Variants in RAB6A observed in about 807,000 individuals in gnomAD.
The protein encoded by RAB6A is ras-related protein Rab-6A.
RAB6A carries 8 observed loss-of-function variants against 32.3 expected under a neutral mutation model. The ratio of observed to expected loss-of-function variants is 0.25; its 90% CI spans 0.15 to 0.45. RAB6A has a LOEUF of 0.45. RAB6A is among the 20% of genes least tolerant of loss of function. RAB6A has a pLI of 1.00. For missense variants in RAB6A, 104 were observed against 249.4 expected, an observed-to-expected ratio of 0.42 and a Z score of 3.93; for synonymous variants, 73 against 82.1, an observed-to-expected ratio of 0.89 and a Z score of 0.60.
chr11:73,728,208 T>C (rs1946250609), intron 2 of RAB6A, among the ~76,000 whole-genome samples: 1 of 152,146 alleles, frequency 6.6e-6, no homozygotes, highest in Non-Finnish European at 1.5e-5. Context: ...CTGTGTAGGT[T>C]GTGAGGGCAG....
At chr11:73,710,089 G>C (rs1945926433) in intron 5 of RAB6A, among the ~76,000 whole-genome samples, 1 of 148,574 alleles carries the variant, frequency 6.7e-6, no homozygotes, top group Non-Finnish European at 1.5e-5. Context: ...CTCCGGAGTA[G>C]CTGGGATTAC....
At chr11:73,742,107 C>T (rs988780043) in intron 1 of RAB6A, among the ~76,000 whole-genome samples, 1 of 151,872 alleles carries the variant, frequency 6.6e-6, no homozygotes, top group African/African-American at 2.4e-5. Context: ...TATGGTGAAA[C>T]CCTGTCTCTA....
At chr11:73,718,790 A>T (rs1312080656) in intron 3 of RAB6A, 72 bp from the exon 4 acceptor site, 1 of 1,614,156 alleles carries the variant, frequency 6.2e-7, no homozygotes, top group Admixed American at 1.7e-5. Flanking sequence ...CCTACTTGTG[A>T]TATCGTAAAC....
chr11:73,708,120 T>C (rs1945879512), intron 5 of RAB6A, among the ~76,000 whole-genome samples: 1 of 152,200 alleles, frequency 6.6e-6, no homozygotes, highest in Non-Finnish European at 1.5e-5. Context: ...GCCCTAAATA[T>C]CTGTGCTTAA....
chr11:73,745,874 T>C (rs1228535129), intron 1 of RAB6A, among the ~76,000 whole-genome samples: 1 of 151,512 alleles, frequency 6.6e-6, no homozygotes, highest in Non-Finnish European at 1.5e-5. Context: ...GTGGCACGCA[T>C]CTGTAGTCCC....
chr11:73,754,887 A>G (rs1360398126), intron 1 of RAB6A, among the ~76,000 whole-genome samples: 2 of 150,240 alleles, frequency 1.3e-5, no homozygotes, highest in Non-Finnish European at 3.0e-5. Flanking sequence ...ATGCAGTCAA[A>G]AAAAAAAAGG....
rs1324724808 is a variant in RAB6A at position 73,702,879 on chromosome 11, CAG to C, written c.495+4539_495+4540del. The stretch of plus-strand genomic sequence containing the variant: ...ATTATTATTTTTTTTTTTCTTGAGA[CAG>C]AGTCTCGCTCTGTCACCCAGGCTGG... On this transcript the variant is annotated intron_variant, in intron 6 of 7. Transcript: ENST00000336083. Among the ~76,000 whole-genome samples the C allele has an allele frequency of 8.0e-5, 12 of 150,418 alleles. 1 individual carries two copies. The East Asian group carries it at 2.3e-3, about 29-fold the overall frequency.
chr11:73,694,203 C>T (rs1326481955), intron 6 of RAB6A, among the ~76,000 whole-genome samples: 1 of 152,098 alleles, frequency 6.6e-6, no homozygotes, highest in Non-Finnish European at 1.5e-5. Context: ...GCTGTAGTAA[C>T]AATTTTTAAG....
intron 6 of RAB6A, among the ~76,000 whole-genome samples, chr11:73,685,354 T>C (rs1821078016): frequency 7.0e-6 from 1 of 143,460 alleles, no homozygotes. Flanking sequence ...AGTGGCGCGA[T>C]CTCAGCTCAC....
intron 6 of RAB6A, among the ~76,000 whole-genome samples, chr11:73,684,596 T>A (rs1032534148): frequency 3.9e-5 from 6 of 152,244 alleles, no homozygotes; most frequent in African/African-American, 1.4e-4. Context: ...CACTTTATTG[T>A]AGTGATCTAG....
intron 2 of RAB6A, among the ~76,000 whole-genome samples, chr11:73,726,090 G>C (rs2134963610): frequency 6.6e-6 from 1 of 151,850 alleles, no homozygotes; most frequent in Non-Finnish European, 1.5e-5. Context: ...TTTGAGACCA[G>C]CCTGGCCAAT....
At chr11:73,751,117 T>C (rs1342465697) in intron 1 of RAB6A, among the ~76,000 whole-genome samples, 7 of 152,040 alleles carry the variant, frequency 4.6e-5, no homozygotes, top group Non-Finnish European at 1.0e-4. Context: ...CAAAGTGTAC[T>C]TTTAAAAAAG....
rs1555054176 is a variant in RAB6A, at chr11:73,685,588, G to GAAAGTCTTTTTTTTTTTTTT, written c.496-5869_496-5868insAAAAAAAAAAAAAAGACTTT. On this transcript the variant is annotated intron_variant, in intron 6 of 7. Transcript: ENST00000336083. ...AAGTGTGAGCCACCACGCCCGGACTGAAAGTAGCGACCAGGTGCGGTGCCT... is the reference window on the plus strand; with the variant it reads ...AAGTGTGAGCCACCACGCCCGGACTGAAAGTCTTTTTTTTTTTTTTAAAGTAGCGACCAGGTGCGGTGCCT... 4.5e-5 allele frequency among the ~76,000 whole-genome samples: 4 copies of GAAAGTCTTTTTTTTTTTTTT among 89,584 alleles called. 1 individual carries two copies. The highest frequency in any genetic ancestry group is 8.1e-5 in the Non-Finnish European group (4 of 49,142). The allele number at this position is 89,584 out of a possible 152,430, so 58.8% of individuals were successfully genotyped here.
chr11:73,740,496 T>A (rs1177111546), intron 1 of RAB6A, among the ~76,000 whole-genome samples: 10 of 152,080 alleles, frequency 6.6e-5, no homozygotes, highest in Admixed American at 2.6e-4. Context: ...GTAACTTACC[T>A]AGTCAATAAA....
chr11:73,689,142 T>C (rs1462231099), intron 6 of RAB6A, among the ~76,000 whole-genome samples: 1 of 152,022 alleles, frequency 6.6e-6, no homozygotes, highest in African/African-American at 2.4e-5. Context: ...AAAAAATTGC[T>C]TCTAAGGGCA....
intron 1 of RAB6A, among the ~76,000 whole-genome samples, chr11:73,751,865 C>T (rs775232860): frequency 4.4e-4 from 67 of 152,192 alleles, no homozygotes; most frequent in Non-Finnish European, 7.2e-4. Context: ...AAAGACCTAA[C>T]ATCAGAGACT....
At chr11:73,725,263 T>C (rs1243483665) in intron 2 of RAB6A, among the ~76,000 whole-genome samples, 1 of 152,168 alleles carries the variant, frequency 6.6e-6, no homozygotes. Flanking sequence ...TAGTATGAAA[T>C]AGTTACTCCA....
In RAB6A at chr11:73,724,680, G is replaced by A. The variant is rs568375707; in HGVS notation, c.130-3781C>T. 5.3e-5 allele frequency among the ~76,000 whole-genome samples: 8 copies of A among 152,184 alleles called. No homozygotes were observed. In the South Asian group the frequency reaches 1.7e-3, roughly 32 times the overall value. ...TTTTTGTATTTTTAGTAGAGACGGGGTTTCACCGTGTTAGCCAACATGGTG... is the reference window on the plus strand; with the variant it reads ...TTTTTGTATTTTTAGTAGAGACGGGATTTCACCGTGTTAGCCAACATGGTG... On this transcript the variant is annotated intron_variant, in intron 2 of 7. Transcript: ENST00000336083.
chr11:73,688,159 T>C lies in RAB6A; in HGVS notation c.496-8439A>G, dbSNP rs1311791218. On this transcript the variant is annotated intron_variant, in intron 6 of 7. Transcript: ENST00000336083. The stretch of plus-strand genomic sequence containing the variant: ...TATGAGAGGAGATTCTCTGCAATTA[T>C]GTATATCTCTTATCATTCTTTGTCA... Among the ~76,000 whole-genome samples, 4 of 152,364 alleles carry C rather than the reference T, an allele frequency of 2.6e-5. No individual in the cohort carries two copies. The East Asian group carries it at 5.8e-4, about 22-fold the overall frequency.
Sources: allele counts gnomAD v4.1 joint callset (sites outside exome capture counted in the v4.1 genomes callset), GRCh38; gene constraint gnomAD v4.1.1; transcripts MANE v1.5; gene names NCBI Gene and HGNC (gene_info 2026-07-23, HGNC 2026-07-21).